The following KIF1B variants were observed in gnomAD, a reference collection of about 807,000 sequenced individuals.
KIF1B encodes the protein kinesin family member 1B.
KIF1B carries 76 observed loss-of-function variants against 241.9 expected under a neutral mutation model. The observed-to-expected ratio is 0.31, with a 90% CI of 0.26 to 0.38. The LOEUF (loss-of-function observed/expected upper bound fraction) is 0.38, where lower values mean the gene tolerates loss of function less well. KIF1B is among the 10% of genes least tolerant of loss of function. The pLI, the probability that KIF1B is intolerant of heterozygous loss-of-function variation, is 1.00. For synonymous variants in KIF1B, 750 were observed against 796.7 expected (o/e 0.94, Z 0.99); for missense variants, 1,622 against 2,271.4 (o/e 0.71, Z 5.81).
At chr1:10,275,583 G>A in intron 11 of KIF1B, 80 bp downstream of exon 11, 1 of 862,698 alleles carries the variant, frequency 1.2e-6, no homozygotes, top group Non-Finnish European at 2.0e-6. Context: ...TGTCTGTTTT[G>A]GAGACAAATA....
intron 2 of KIF1B, among the ~76,000 whole-genome samples, chr1:10,254,131 G>T (rs1647621435): frequency 6.6e-6 from 1 of 152,190 alleles, no homozygotes; most frequent in African/African-American, 2.4e-5. Context: ...AGGAGCTAAA[G>T]CTTTGTGTGT....
At chr1:10,218,695 A>G (rs2102095188) in intron 1 of KIF1B, among the ~76,000 whole-genome samples, 1 of 152,326 alleles carries the variant, frequency 6.6e-6, no homozygotes, top group Non-Finnish European at 1.5e-5. Context: ...TGTTGGGATT[A>G]TACGCGTGAG....
chr1:10,277,200 A>G lies in KIF1B; in HGVS notation c.1038-786A>G, dbSNP rs536544554. Among the ~76,000 whole-genome samples the G allele has an allele frequency of 1.8e-4, 27 of 152,070 alleles. No homozygotes were observed. In the South Asian group the frequency reaches 2.7e-3, roughly 15 times the overall value. On this transcript the variant is annotated intron_variant, in intron 12 of 48. Coordinates refer to ENST00000676179, the MANE Select transcript of KIF1B (RefSeq NM_001365951.3). ...GTGGTGTGCACCTGTAGTCCTAGCT[A>G]CTTGGAAAGCTGAGGCAGGAGGATC...
At chr1:10,279,689 C>CTTT (rs34983973) in intron 14 of KIF1B, among the ~76,000 whole-genome samples, 1 of 67,622 alleles carries the variant, frequency 1.5e-5, no homozygotes, top group Non-Finnish European at 2.6e-5. Context: ...ACGTTTTTTC[C>CTTT]TTTTTTTTTT....
chr1:10,273,181 T>A, intron 10 of KIF1B, 150 bp downstream of exon 10: 1 of 560,542 alleles, frequency 1.8e-6, no homozygotes, highest in East Asian at 3.0e-5. Context: ...GGCTGTAAAT[T>A]TAGGGTGACC....
At chr1:10,271,603 G>A in intron 8 of KIF1B, 24 bp downstream of exon 8, 3 of 1,516,974 alleles carry the variant, frequency 2.0e-6, no homozygotes, top group African/African-American at 1.4e-5. Flanking sequence ...CAAATAAATG[G>A]CCTGATCAAT....
chr1:10,233,050 C>T (rs1647002750), intron 2 of KIF1B, among the ~76,000 whole-genome samples: 1 of 152,194 alleles, frequency 6.6e-6, no homozygotes, highest in South Asian at 2.1e-4. Flanking sequence ...GCTCTACTGT[C>T]TTTAAATCTG....
chr1:10,346,191 C>T (rs932733112), intron 35 of KIF1B, among the ~76,000 whole-genome samples: 2 of 151,796 alleles, frequency 1.3e-5, no homozygotes, highest in Non-Finnish European at 2.9e-5. Context: ...GCTGAGATTA[C>T]AGGCATGAGC....
At chr1:10,287,875 T>C (rs1309550384) in intron 15 of KIF1B, among the ~76,000 whole-genome samples, 2 of 152,214 alleles carry the variant, frequency 1.3e-5, no homozygotes, top group African/African-American at 4.8e-5. Context: ...TTAAAATATC[T>C]CATATGTCAG....
At chr1:10,307,293 A>G in intron 22 of KIF1B, 2 of 1,016,228 alleles carry the variant, frequency 2.0e-6, no homozygotes, top group South Asian at 4.6e-5. Flanking sequence ...GGTATGGCCC[A>G]TATTACTTTG....
At chr1:10,249,677 G>T (rs1401664627) in intron 2 of KIF1B, among the ~76,000 whole-genome samples, 1 of 152,162 alleles carries the variant, frequency 6.6e-6, no homozygotes, top group African/African-American at 2.4e-5. Flanking sequence ...CAAAACAGGA[G>T]AATTGCTTCA....
chr1:10,358,115 AAAAG>A (rs1261634341), intron 38 of KIF1B, among the ~76,000 whole-genome samples: 13 of 151,536 alleles, frequency 8.6e-5, no homozygotes, highest in East Asian at 3.8e-4. Context: ...AAAAAAAAAA[AAAAG>A]AAAGAAACTT....
chr1:10,361,656 C>CTGCA (rs1557737077), intron 39 of KIF1B, 36 bp from the exon 40 acceptor site: 1 of 1,612,144 alleles, frequency 6.2e-7, no homozygotes, highest in East Asian at 2.2e-5. Flanking sequence ...AGTACTCTGC[C>CTGCA]TGCACTTCAT....
intron 18 of KIF1B, 46 bp downstream of exon 18, chr1:10,295,211 T>C (rs1424383652): frequency 8.7e-7 from 1 of 1,148,050 alleles, no homozygotes; most frequent in Admixed American, 1.7e-5. Context: ...TTTCCCCCTC[T>C]TAGATAATTG....
chr1:10,214,430 C>T (rs535870783), intron 1 of KIF1B, among the ~76,000 whole-genome samples: 1 of 151,978 alleles, frequency 6.6e-6, no homozygotes, highest in East Asian at 1.9e-4. Flanking sequence ...GCTGGGATTA[C>T]AGGCACCTGC....
chr1:10,236,468 A>G (rs1029920774), intron 2 of KIF1B, among the ~76,000 whole-genome samples: 4 of 152,232 alleles, frequency 2.6e-5, no homozygotes, highest in African/African-American at 9.6e-5. Flanking sequence ...TGACTTTTAA[A>G]TTAGCATTAG....
rs2102302357 is a variant in KIF1B, at chr1:10,326,640, G to A, written c.2924+281G>A. On this transcript the variant is annotated intron_variant, in intron 27 of 48. Transcript: ENST00000676179. The surrounding 1 kb of genome is among the most constrained non-coding windows in gnomAD (Gnocchi z 5.2). The stretch of plus-strand genomic sequence containing the variant: ...TTAAATTGCCCAGTAATTTTGTTCT[G>A]AAGAAGGGAACCCCAAAGGAGAAAG... 6.6e-6 allele frequency among the ~76,000 whole-genome samples: 1 copy of A among 152,276 alleles called. No individual in the cohort carries two copies. The highest frequency in any genetic ancestry group is 3.4e-3 in the Middle Eastern group (1 of 294).
At chr1:10,220,334 G>C (rs992497623) in intron 1 of KIF1B, among the ~76,000 whole-genome samples, 2 of 151,758 alleles carry the variant, frequency 1.3e-5, no homozygotes, top group African/African-American at 4.8e-5. Flanking sequence ...TTGTTCCACT[G>C]TACTCCAGCC....
rs1650617737 is a variant in KIF1B at position 10,303,015 on chromosome 1, T to G, written c.2115+5769T>G. 1 of 870,996 alleles carries G rather than the reference T, an allele frequency of 1.1e-6. No individual in the cohort carries two copies. Among genetic ancestry groups the G allele is most frequent in the South Asian group, 1.9e-5 (1 of 53,788 alleles). The allele number at this position is 870,996 out of a possible 1,614,324, so 54.0% of individuals were successfully genotyped here. A position where few individuals can be genotyped will look rare whatever the true frequency, so the allele number is the denominator to read the frequency against. ...TTCCACATTATTGAGGGGTTTTTTTTGGTTTTGTTTTGTTTTTTAGTTTTT... is the reference window on the plus strand; with the variant it reads ...TTCCACATTATTGAGGGGTTTTTTTGGGTTTTGTTTTGTTTTTTAGTTTTT... On this transcript the variant is annotated intron_variant, in intron 22 of 48. Coordinates refer to ENST00000676179, the MANE Select transcript of KIF1B (RefSeq NM_001365951.3). This position sits in a 1 kb window ranked among gnomAD's most constrained non-coding sequence, Gnocchi z 5.2.
Sources: gnomAD v4.1 joint callset for allele counts (sites outside exome capture counted in the v4.1 genomes callset) on GRCh38, gnomAD v4.1.1 for gene constraint, Gnocchi (gnomAD v3.1) non-coding constraint, MANE v1.5 for transcripts, NCBI Gene and HGNC (gene_info 2026-07-23, HGNC 2026-07-21) for gene names.